Variants in NCKAP5 observed in about 807,000 individuals in gnomAD.
NCKAP5 encodes the protein nck-associated protein 5.
Under a neutral mutation model 167.0 loss-of-function variants are expected in NCKAP5, and 92 were observed. The ratio of observed to expected loss-of-function variants is 0.55; its 90% CI spans 0.47 to 0.66. The LOEUF (loss-of-function observed/expected upper bound fraction) is 0.66, where lower values mean the gene tolerates loss of function less well. Ranked by LOEUF, NCKAP5 falls within the 30% of genes least tolerant of loss-of-function variation. The pLI is 0.00. For synonymous variants in NCKAP5, 891 were observed against 877.4 expected (o/e 1.02, Z -0.27); for missense variants, 2,378 against 2,315.0 (o/e 1.03, Z -0.56).
chr2:133,319,557 T>C (rs986800842), intron 3 of NCKAP5, among the ~76,000 whole-genome samples: 4 of 152,166 alleles, frequency 2.6e-5, no homozygotes, highest in African/African-American at 9.7e-5. Flanking sequence ...ACCTGGACCA[T>C]GTAAGAATTT....
the NCKAP5 span, among the ~76,000 whole-genome samples, chr2:133,574,139 G>A: frequency 1.8e-5 from 2 of 111,842 alleles, no homozygotes; most frequent in Non-Finnish European, 4.3e-5. Flanking sequence ...AAAAGGAAGA[G>A]GATGGGGACA....
chr2:133,449,666 G>A (rs1040091731), intron 3 of NCKAP5, among the ~76,000 whole-genome samples: 2 of 152,026 alleles, frequency 1.3e-5, no homozygotes, highest in African/African-American at 4.8e-5. Flanking sequence ...AAATCTACAG[G>A]CCAATCTGAA....
chr2:133,581,681 C>T, the NCKAP5 span, among the ~76,000 whole-genome samples: 2 of 152,146 alleles, frequency 1.3e-5, no homozygotes, highest in Admixed American at 1.3e-4. Flanking sequence ...CACTCCCCAC[C>T]CTAAAATTGT....
intron 3 of NCKAP5, among the ~76,000 whole-genome samples, chr2:133,417,184 T>C (rs1052589743): frequency 6.6e-6 from 1 of 151,530 alleles, no homozygotes; most frequent in African/African-American, 2.4e-5. Flanking sequence ...CACAGGCAAC[T>C]CTTCCATTTG....
At chr2:132,807,006 A>G (rs1685492326) in intron 11 of NCKAP5, among the ~76,000 whole-genome samples, 1 of 152,172 alleles carries the variant, frequency 6.6e-6, no homozygotes. Context: ...CCATTTGTTG[A>G]AAAGGGTGTC....
rs1319307945 is a variant in NCKAP5, at chr2:132,795,836, AAAC to A, written c.909+789_909+791del. ...CCCGTATCAGAAAAAAAAAAAAAAA[AAAC>A]AAAAAAAACAAAAGAGAATGAAGCC... On this transcript the variant is annotated intron_variant, in intron 12 of 19. Transcript: ENST00000409261. Among the ~76,000 whole-genome samples, 403 of 139,432 alleles carry A rather than the reference AAAC, an allele frequency of 2.9e-3. 7 individuals carry two copies. Among genetic ancestry groups the A allele is most frequent in the African/African-American group, 6.8e-3 (246 of 35,960 alleles). The allele number at this position is 139,432 out of a possible 152,430, so 91.5% of individuals were successfully genotyped here.
chr2:133,196,144 G>T (rs1214865561), intron 5 of NCKAP5, among the ~76,000 whole-genome samples: 3 of 152,146 alleles, frequency 2.0e-5, no homozygotes, highest in South Asian at 4.1e-4. Flanking sequence ...TCCCTAGGCA[G>T]TTCCTCTACC....
chr2:133,091,649 A>G (rs2081188184), intron 6 of NCKAP5, among the ~76,000 whole-genome samples: 1 of 152,136 alleles, frequency 6.6e-6, no homozygotes, highest in African/African-American at 2.4e-5. Context: ...GCACTTTGGG[A>G]GGCCGAGGTG....
intron 3 of NCKAP5, among the ~76,000 whole-genome samples, chr2:133,382,283 T>G (rs556693580): frequency 6.6e-6 from 1 of 152,314 alleles, no homozygotes; most frequent in South Asian, 2.1e-4. Flanking sequence ...TCTCACCTGT[T>G]GGCTTAGTCT....
At chr2:133,245,834 T>A (rs1336980745) in intron 4 of NCKAP5, among the ~76,000 whole-genome samples, 1 of 149,628 alleles carries the variant, frequency 6.7e-6, no homozygotes, top group Admixed American at 6.7e-5. Flanking sequence ...ATTGAAAAAA[T>A]TCCCCCTGCT....
intron 18 of NCKAP5, among the ~76,000 whole-genome samples, chr2:132,728,487 G>GA (rs140854508): frequency 1.3e-5 from 2 of 152,120 alleles, no homozygotes; most frequent in South Asian, 2.1e-4. Context: ...TGAAAAAATA[G>GA]AAAAAACATC....
chr2:133,228,829 A>G (rs138925299), intron 4 of NCKAP5, among the ~76,000 whole-genome samples: 1 of 152,328 alleles, frequency 6.6e-6, no homozygotes, highest in African/African-American at 2.4e-5. Context: ...AATAAAAGAG[A>G]AAGCCAGACT....
At chr2:132,727,799 G>T (rs986434051) in intron 18 of NCKAP5, among the ~76,000 whole-genome samples, 2 of 152,186 alleles carry the variant, frequency 1.3e-5, no homozygotes, top group African/African-American at 4.8e-5. Context: ...GTTCCCCACT[G>T]GAAATTGAGG....
chr2:133,478,624 G>A (rs578197185), intron 3 of NCKAP5, among the ~76,000 whole-genome samples: 66 of 152,250 alleles, frequency 4.3e-4, no homozygotes, highest in African/African-American at 1.5e-3. Flanking sequence ...CACTTATGCT[G>A]AATAAATTTT....
chr2:132,709,291 G>T (rs1688642373), intron 19 of NCKAP5, among the ~76,000 whole-genome samples: 1 of 151,980 alleles, frequency 6.6e-6, no homozygotes. Flanking sequence ...GTGTCTTTCT[G>T]AAAAGTTTAA....
At chr2:132,960,647 G>A (rs2149192654) in intron 8 of NCKAP5, among the ~76,000 whole-genome samples, 1 of 152,256 alleles carries the variant, frequency 6.6e-6, no homozygotes, top group Non-Finnish European at 1.5e-5. Context: ...TCACAAGAGG[G>A]AATAAATAAT....
At chr2:133,601,507 A>C in the NCKAP5 span, among the ~76,000 whole-genome samples, 190 of 152,272 alleles carry the variant, frequency 1.2e-3, no homozygotes, top group African/African-American at 4.3e-3. Context: ...AGGTGGGCGG[A>C]TCACCTGAGG....
At chr2:133,662,340 C>A in the NCKAP5 span, among the ~76,000 whole-genome samples, 1 of 151,862 alleles carries the variant, frequency 6.6e-6, no homozygotes, top group African/African-American at 2.4e-5. Context: ...ATCAAGTGTA[C>A]AAAAGTGTTT....
chr2:133,423,937 A>G (rs952751651), intron 3 of NCKAP5, among the ~76,000 whole-genome samples: 1 of 152,224 alleles, frequency 6.6e-6, no homozygotes, highest in Non-Finnish European at 1.5e-5. Flanking sequence ...CTTAAAGAGA[A>G]GTTCTAAAGC....
Sources: gnomAD v4.1 joint callset for allele counts (sites outside exome capture counted in the v4.1 genomes callset) on GRCh38, gnomAD v4.1.1 for gene constraint, MANE v1.5 for transcripts, NCBI Gene and HGNC (gene_info 2026-07-23, HGNC 2026-07-21) for gene names.